STK39: variants seen among roughly 807,000 people sequenced by gnomAD.
The protein encoded by STK39 is serine/threonine kinase 39, also known as STE20/SPS1-related proline-alanine-rich protein kinase.
Under a neutral mutation model 77.8 loss-of-function variants are expected in STK39, and 20 were observed. The ratio of observed to expected loss-of-function variants is 0.26; its 90% CI spans 0.18 to 0.37. The LOEUF (loss-of-function observed/expected upper bound fraction) is 0.37. Ranked by LOEUF, STK39 falls within the 10% of genes least tolerant of loss-of-function variation. STK39 has a pLI of 1.00. For missense variants in STK39, 479 were observed against 656.5 expected (o/e 0.73, Z 2.95); for synonymous variants, 246 against 234.1 (o/e 1.05, Z -0.47).
At chr2:167,956,667 G>GAC (rs762455680) in intron 17 of STK39, among the ~76,000 whole-genome samples, 1,284 of 47,830 alleles carry the variant, frequency 0.027, 72 homozygotes, top group South Asian at 0.11. Flanking sequence ...CTTGCTTTTA[G>GAC]ACACACACAC....
At chr2:168,137,070 C>T (rs1382556623) in intron 8 of STK39, among the ~76,000 whole-genome samples, 1 of 152,138 alleles carries the variant, frequency 6.6e-6, no homozygotes, top group African/African-American at 2.4e-5. Context: ...ATTATGGAAA[C>T]TGTGTTTAAA....
At chr2:168,116,053 G>A (rs914170347) in intron 10 of STK39, among the ~76,000 whole-genome samples, 2 of 152,162 alleles carry the variant, frequency 1.3e-5, no homozygotes, top group Admixed American at 6.5e-5. Context: ...AGGGCTGGCT[G>A]GAGTCTATCT....
intron 5 of STK39, among the ~76,000 whole-genome samples, chr2:168,159,950 C>T (rs3820860): frequency 0.17 from 26,055 of 152,050 alleles, 2,252 homozygotes; most frequent in East Asian, 0.25. Context: ...AGTGCAGGCA[C>T]GTACTGGGTC....
intron 15 of STK39, among the ~76,000 whole-genome samples, chr2:168,015,012 T>C (rs1684370012): frequency 6.6e-6 from 1 of 152,210 alleles, no homozygotes; most frequent in Non-Finnish European, 1.5e-5. Context: ...CTGATCCAAA[T>C]GGGAAATATT....
At chr2:167,972,508 G>A (rs1427167929) in intron 16 of STK39, among the ~76,000 whole-genome samples, 1 of 152,110 alleles carries the variant, frequency 6.6e-6, no homozygotes, top group African/African-American at 2.4e-5. Context: ...CCCGGGTTCA[G>A]GGTTCAATTC....
At chr2:168,122,461 A>G (rs778810309) in intron 10 of STK39, among the ~76,000 whole-genome samples, 1 of 152,036 alleles carries the variant, frequency 6.6e-6, no homozygotes, top group Non-Finnish European at 1.5e-5. Context: ...TTTGTTTGAG[A>G]TAGGGTCTTG....
Position 168,066,349 on chromosome 2 carries a change from T to C in STK39, c.1243-968A>G, listed in dbSNP as rs147738448. 3.7e-4 allele frequency among the ~76,000 whole-genome samples: 56 copies of C among 152,346 alleles called. No homozygotes were observed. The East Asian group carries it at 6.5e-3, about 18-fold the overall frequency. On this transcript the variant is annotated intron_variant, in intron 12 of 17. Transcript: ENST00000355999. ...AAGTACAGTAATGATGATACCTAGA[T>C]TATAGGTATACGGCGTTCACTATAA...
intron 1 of STK39, among the ~76,000 whole-genome samples, chr2:168,205,689 C>T (rs1272924363): frequency 3.3e-5 from 5 of 151,898 alleles, no homozygotes; most frequent in African/African-American, 7.3e-5. Context: ...TGTGGTGGCA[C>T]GTCTCTGTAG....
In STK39 at chr2:168,214,304, G is replaced by A. The variant is rs183457303; in HGVS notation, c.209-32214C>T. 5.9e-5 allele frequency among the ~76,000 whole-genome samples: 9 copies of A among 151,264 alleles called. No individual in the cohort carries two copies. The East Asian group carries it at 1.4e-3, about 23-fold the overall frequency. ...TAAAAAGTGGGTACATTTTATCTAC[G>A]TAAATTAGATCTCAATAAAGATTGA... On this transcript the variant is annotated intron_variant, in intron 1 of 17. Transcript: ENST00000355999.
chr2:168,121,464 C>T (rs986174119), intron 10 of STK39, among the ~76,000 whole-genome samples: 1 of 152,168 alleles, frequency 6.6e-6, no homozygotes, highest in African/African-American at 2.4e-5. Flanking sequence ...TGAAAGAAAG[C>T]CCTGGTTCTC....
At chr2:168,030,583 A>T (rs1422594849) in intron 14 of STK39, among the ~76,000 whole-genome samples, 1 of 152,216 alleles carries the variant, frequency 6.6e-6, no homozygotes, top group East Asian at 1.9e-4. Flanking sequence ...ATTAATAAGA[A>T]GTGTTAACGC....
At chr2:168,018,314 A>C (rs1684466981) in intron 14 of STK39, among the ~76,000 whole-genome samples, 3 of 152,060 alleles carry the variant, frequency 2.0e-5, no homozygotes, top group African/African-American at 4.8e-5. Context: ...AGCCTAGCCA[A>C]CATGGTGAAA....
At chr2:168,028,722 G>C (rs992123635) in intron 14 of STK39, among the ~76,000 whole-genome samples, 4 of 151,364 alleles carry the variant, frequency 2.6e-5, no homozygotes, top group Non-Finnish European at 5.9e-5. Context: ...TTAAGTTTAG[G>C]GTGTGGTGGG....
chr2:168,235,675 A>C (rs537897719), intron 1 of STK39, among the ~76,000 whole-genome samples: 2 of 137,930 alleles, frequency 1.5e-5, no homozygotes, highest in Admixed American at 1.7e-4. Context: ...TCATTGTTCA[A>C]TTCCCACCTA....
At chr2:168,155,993 G>A (rs1334390751) in intron 5 of STK39, among the ~76,000 whole-genome samples, 3 of 152,174 alleles carry the variant, frequency 2.0e-5, no homozygotes, top group South Asian at 2.1e-4. Flanking sequence ...TGGGAATGCT[G>A]CGATGAACAA....
At chr2:167,966,608 G>A (rs998176057) in intron 16 of STK39, among the ~76,000 whole-genome samples, 15 of 151,958 alleles carry the variant, frequency 9.9e-5, no homozygotes, top group African/African-American at 1.7e-4. Context: ...CCCTCTCTCC[G>A]GTGTACACGT....
At chr2:168,015,856 T>C (rs1684389770) in intron 15 of STK39, among the ~76,000 whole-genome samples, 1 of 152,174 alleles carries the variant, frequency 6.6e-6, no homozygotes, top group Non-Finnish European at 1.5e-5. Flanking sequence ...TACAACTTCA[T>C]AAACCAACTC....
At chr2:167,971,433 CCTTT>C (rs1692342481) in intron 16 of STK39, among the ~76,000 whole-genome samples, 1 of 151,972 alleles carries the variant, frequency 6.6e-6, no homozygotes, top group African/African-American at 2.4e-5. Context: ...GTGTTCTACC[CCTTT>C]GTTTCATTTT....
intron 1 of STK39, among the ~76,000 whole-genome samples, chr2:168,188,626 G>A (rs1215763896): frequency 6.6e-6 from 1 of 152,120 alleles, no homozygotes; most frequent in African/African-American, 2.4e-5. Flanking sequence ...CATGTCATAT[G>A]GTTCAACATA....
Sources: gnomAD v4.1 joint callset for allele counts (sites outside exome capture counted in the v4.1 genomes callset) on GRCh38, gnomAD v4.1.1 for gene constraint, MANE v1.5 for transcripts, NCBI Gene and HGNC (gene_info 2026-07-23, HGNC 2026-07-21) for gene names.